Variants in SOX5 observed in about 807,000 individuals in gnomAD.
SOX5 encodes the protein transcription factor SOX-5.
SOX5 carries 9 observed loss-of-function variants against 92.0 expected under a neutral mutation model. The ratio of observed to expected loss-of-function variants is 0.10; its 90% CI spans 0.06 to 0.17. SOX5 has a LOEUF of 0.17. SOX5 is among the 10% of genes least tolerant of loss of function. The pLI is 1.00. For missense variants in SOX5, 642 were observed against 944.5 expected (o/e 0.68, Z 4.20); for synonymous variants, 344 against 336.3 (o/e 1.02, Z -0.25).
At position 24,526,084 on chromosome 12, in the gene SOX5, C is replaced by T. The variant is rs150117272; in HGVS notation, c.-251+36245G>A. 1.6e-3 allele frequency among the ~76,000 whole-genome samples: 245 copies of T among 152,082 alleles called. 1 individual carries two copies. Among genetic ancestry groups the T allele is most frequent in the African/African-American group, 5.3e-3 (221 of 41,504 alleles). On this transcript the variant is annotated intron_variant, in intron 1 of 4. Transcript: ENST00000446891. Reference sequence around the variant, plus strand: ...CAGGATTTTGCCATGTTACCCAGGCCGGTCTCATACTCCTCGGCCTCCCAA... The same window carrying T: ...CAGGATTTTGCCATGTTACCCAGGCTGGTCTCATACTCCTCGGCCTCCCAA...
At chr12:24,271,393 T>C (rs895203045) in intron 3 of SOX5, among the ~76,000 whole-genome samples, 2 of 152,232 alleles carry the variant, frequency 1.3e-5, no homozygotes, top group Admixed American at 1.3e-4. Flanking sequence ...CAACGACTTG[T>C]AGTTTTTTAA....
chr12:24,475,897 G>A (rs1320050412), intron 1 of SOX5, among the ~76,000 whole-genome samples: 2 of 151,802 alleles, frequency 1.3e-5, no homozygotes, highest in African/African-American at 4.8e-5. Context: ...CGGGAAGATC[G>A]CTTGAGCCCA....
At chr12:23,670,593 T>C (rs1231831773) in intron 6 of SOX5, among the ~76,000 whole-genome samples, 1 of 152,016 alleles carries the variant, frequency 6.6e-6, no homozygotes, top group East Asian at 1.9e-4. Context: ...CTCTGGGCCC[T>C]GAGGAATGGA....
In SOX5 at chr12:24,295,554, G is replaced by A. The variant is rs1319744383; in HGVS notation, c.-173-18242C>T. Among the ~76,000 whole-genome samples the A allele has an allele frequency of 2.6e-5, 4 of 152,118 alleles. No homozygotes were observed. The East Asian group carries it at 7.7e-4, about 29-fold the overall frequency. On this transcript the variant is annotated intron_variant, in intron 2 of 4. Coordinates refer to the SOX5 transcript ENST00000446891. ...TCAGTGAAACTAAAACTGTTTTTTT[G>A]AAGTTCTTGGTTTTTGTTTGTTTGT...
Position 23,779,814 on chromosome 12 carries a change from T to TATATATATATAC in SOX5, c.482-24091_482-24090insGTATATATATAT, listed in dbSNP as rs777013504. On this transcript the variant is annotated intron_variant, in intron 3 of 14. Transcript: ENST00000451604. ...ATATATATATATATATATATATATA[T>TATATATATATAC]ACACACACACACACACACACACACA... Among the ~76,000 whole-genome samples the TATATATATATAC allele has an allele frequency of 3.9e-3, 432 of 110,708 alleles. 2 individuals carry two copies. The highest frequency in any genetic ancestry group is 5.9e-3 in the Non-Finnish European group (329 of 55,758). 72.6% of individuals were successfully genotyped at this position (110,708 alleles called of 152,430 possible). A position where few individuals can be genotyped will look rare whatever the true frequency, so the allele number is the denominator to read the frequency against.
At chr12:23,556,421 C>A (rs911708635) in intron 11 of SOX5, among the ~76,000 whole-genome samples, 1 of 152,100 alleles carries the variant, frequency 6.6e-6, no homozygotes, top group African/African-American at 2.4e-5. Context: ...AATATACGCT[C>A]ACTTTAAAAC....
chr12:24,012,176 G>A (rs894688483), intron 4 of SOX5, among the ~76,000 whole-genome samples: 5 of 152,096 alleles, frequency 3.3e-5, no homozygotes, highest in African/African-American at 9.7e-5. Flanking sequence ...TTTGCAAATG[G>A]GTTATTTAGC....
At chr12:24,384,890 G>A (rs2136408066) in intron 1 of SOX5, among the ~76,000 whole-genome samples, 1 of 152,240 alleles carries the variant, frequency 6.6e-6, no homozygotes, top group Admixed American at 6.5e-5. Context: ...CAATACAGAA[G>A]GTCAGTAGTA....
chr12:23,646,288 C>A (rs1361253812), intron 7 of SOX5, among the ~76,000 whole-genome samples: 1 of 152,106 alleles, frequency 6.6e-6, no homozygotes, highest in Non-Finnish European at 1.5e-5. Context: ...AATCCTCTCA[C>A]CTCAGTCTCT....
chr12:24,051,957 G>A (rs1370812084), intron 4 of SOX5, among the ~76,000 whole-genome samples: 2 of 152,130 alleles, frequency 1.3e-5, no homozygotes, highest in Non-Finnish European at 2.9e-5. Flanking sequence ...TAATTTCCAA[G>A]TCCAGTGGCC....
At chr12:23,757,325 A>G (rs1319622710) in intron 3 of SOX5, among the ~76,000 whole-genome samples, 4 of 151,882 alleles carry the variant, frequency 2.6e-5, no homozygotes, top group Non-Finnish European at 5.9e-5. Context: ...TTTACTTTTA[A>G]GTTTTCTTAA....
intron 1 of SOX5, among the ~76,000 whole-genome samples, chr12:24,370,542 G>C (rs556120728): frequency 6.6e-6 from 1 of 150,508 alleles, no homozygotes; most frequent in Non-Finnish European, 1.5e-5. Context: ...CTGTAATCCC[G>C]GCACTTTGGG....
intron 3 of SOX5, among the ~76,000 whole-genome samples, chr12:24,215,424 A>G (rs1218736480): frequency 6.6e-6 from 1 of 152,180 alleles, no homozygotes; most frequent in Non-Finnish European, 1.5e-5. Context: ...GTTGATCAAT[A>G]TATAAAAATC....
chr12:24,512,943 A>T (rs180940807), intron 1 of SOX5, among the ~76,000 whole-genome samples: 1 of 152,212 alleles, frequency 6.6e-6, no homozygotes, highest in African/African-American at 2.4e-5. Context: ...CGATGGTTGC[A>T]CTTACGATTT....
intron 4 of SOX5, among the ~76,000 whole-genome samples, chr12:24,106,016 G>A (rs1946624535): frequency 6.6e-6 from 1 of 152,072 alleles, no homozygotes; most frequent in African/African-American, 2.4e-5. Flanking sequence ...GATAGTCAAA[G>A]ATGTCTCAGA....
chr12:23,814,289 T>C (rs983042142), intron 3 of SOX5, among the ~76,000 whole-genome samples: 11 of 152,152 alleles, frequency 7.2e-5, no homozygotes, highest in African/African-American at 2.4e-4. Flanking sequence ...TACTTGCTGG[T>C]AACTAACCTG....
intron 1 of SOX5, among the ~76,000 whole-genome samples, chr12:24,471,278 G>A (rs1944793586): frequency 6.6e-6 from 1 of 152,024 alleles, no homozygotes; most frequent in Non-Finnish European, 1.5e-5. Context: ...AAAGAACTGG[G>A]ATGTTCTGGT....
intron 3 of SOX5, among the ~76,000 whole-genome samples, chr12:23,838,083 A>C (rs1326315741): frequency 7.3e-6 from 1 of 136,146 alleles, no homozygotes; most frequent in Non-Finnish European, 1.5e-5. Context: ...ATTTATATTT[A>C]TATATATTTA....
chr12:24,304,948 A>C (rs947846300), intron 2 of SOX5, among the ~76,000 whole-genome samples: 2 of 152,084 alleles, frequency 1.3e-5, no homozygotes, highest in South Asian at 2.1e-4. Context: ...TCTTGCTACC[A>C]CAACACAAAG....
Sources: gnomAD v4.1 joint callset for allele counts (sites outside exome capture counted in the v4.1 genomes callset) on GRCh38, gnomAD v4.1.1 for gene constraint, MANE v1.5 for transcripts, NCBI Gene and HGNC (gene_info 2026-07-23, HGNC 2026-07-21) for gene names.